Variants in AFF3 observed in about 807,000 individuals in gnomAD.
AFF3 encodes ALF transcription elongation factor 3.
A neutral mutation model predicts 129.7 loss-of-function variants in AFF3; 32 were observed. That is an observed-to-expected ratio of 0.25 (90% CI 0.19 to 0.33). The LOEUF is 0.33. Ranked by LOEUF, AFF3 falls within the 10% of genes least tolerant of loss-of-function variation. The pLI, the probability that AFF3 is intolerant of heterozygous loss-of-function variation, is 1.00. For synonymous variants in AFF3, 644 were observed against 635.4 expected (o/e 1.01, Z -0.20); for missense variants, 1,373 against 1,592.0 (o/e 0.86, Z 2.34).
At chr2:99,620,424 T>C (rs1222268763) in intron 13 of AFF3, among the ~76,000 whole-genome samples, 6 of 151,770 alleles carry the variant, frequency 4.0e-5, no homozygotes, top group Admixed American at 6.6e-5. Context: ...GGGCCAGGAG[T>C]TCGAGACCAG....
At chr2:99,927,753 T>A (rs1389823256) in intron 7 of AFF3, among the ~76,000 whole-genome samples, 2 of 152,176 alleles carry the variant, frequency 1.3e-5, no homozygotes, top group African/African-American at 4.8e-5. Context: ...AAAATTTTTT[T>A]AAATACTAAG....
At chr2:100,131,189 C>T (rs1692416272) in intron 1 of AFF3, among the ~76,000 whole-genome samples, 1 of 152,168 alleles carries the variant, frequency 6.6e-6, no homozygotes, top group South Asian at 2.1e-4. Flanking sequence ...CTGGTTTAGT[C>T]TCTCTATGGT....
chr2:99,805,724 A>C (rs1686289181), intron 8 of AFF3, among the ~76,000 whole-genome samples: 1 of 152,000 alleles, frequency 6.6e-6, no homozygotes, highest in Non-Finnish European at 1.5e-5. Context: ...CTATTGCTTC[A>C]CAATTATGTA....
At chr2:99,591,511 G>C (rs1342012835) in intron 15 of AFF3, among the ~76,000 whole-genome samples, 2 of 152,252 alleles carry the variant, frequency 1.3e-5, no homozygotes, top group East Asian at 3.9e-4. Context: ...GAATTTCTCT[G>C]GTCATAGGTG....
At chr2:99,621,800 C>T (rs1682042948) in intron 13 of AFF3, among the ~76,000 whole-genome samples, 1 of 152,024 alleles carries the variant, frequency 6.6e-6, no homozygotes, top group African/African-American at 2.4e-5. Context: ...AAACACTGAG[C>T]AGGATTTGCT....
chr2:100,122,283 A>C (rs377338432), intron 2 of AFF3, among the ~76,000 whole-genome samples: 2 of 152,212 alleles, frequency 1.3e-5, no homozygotes, highest in African/African-American at 4.8e-5. Context: ...GTCATTTAGC[A>C]CAATGGGATA....
At chr2:99,701,811 A>G (rs898277499) in intron 11 of AFF3, among the ~76,000 whole-genome samples, 2 of 152,336 alleles carry the variant, frequency 1.3e-5, no homozygotes, top group South Asian at 4.1e-4. Flanking sequence ...CCAGCCCTGT[A>G]TAGCCACCCC....
intron 7 of AFF3, among the ~76,000 whole-genome samples, chr2:99,848,009 C>A (rs936538614): frequency 6.6e-6 from 1 of 152,034 alleles, no homozygotes. Flanking sequence ...AGGCTGGGTG[C>A]GGTGGCTCAT....
intron 4 of AFF3, among the ~76,000 whole-genome samples, chr2:100,015,732 C>T (rs1682960566): frequency 6.6e-6 from 1 of 152,178 alleles, no homozygotes; most frequent in Non-Finnish European, 1.5e-5. Flanking sequence ...GAGCATGGGA[C>T]AGAGGCAACT....
intron 2 of AFF3, among the ~76,000 whole-genome samples, chr2:100,127,830 G>T (rs1379921676): frequency 6.6e-6 from 1 of 152,172 alleles, no homozygotes; most frequent in Admixed American, 6.5e-5. Context: ...ACTCCATCTT[G>T]AATAGGAGCT....
intron 11 of AFF3, among the ~76,000 whole-genome samples, chr2:99,721,400 G>A (rs919908684): frequency 2.0e-5 from 3 of 151,866 alleles, no homozygotes; most frequent in South Asian, 2.1e-4. Flanking sequence ...ATGGTGGCAC[G>A]CACCTGTAGT....
At chr2:99,600,586 G>A (rs141376456) in intron 14 of AFF3, among the ~76,000 whole-genome samples, 1,652 of 152,158 alleles carry the variant, frequency 0.011, 13 homozygotes, top group Admixed American at 0.041. Context: ...TGGTACAGAG[G>A]GCTGTAAGTA....
At chr2:99,628,723 A>ATTTTTTCT (rs1682838616) in intron 13 of AFF3, among the ~76,000 whole-genome samples, 1 of 92,432 alleles carries the variant, frequency 1.1e-5, no homozygotes, top group African/African-American at 4.7e-5. Flanking sequence ...TGCTTGACTG[A>ATTTTTTCT]TTTTTTTTTT....
chr2:99,649,526 T>G, intron 13 of AFF3, 100 bp downstream of exon 13: 1 of 1,307,536 alleles, frequency 7.6e-7, no homozygotes, highest in South Asian at 1.2e-5. Context: ...AGTTCAGAGA[T>G]ACTTTAGGGA....
At chr2:100,008,991 A>G (rs1313601294) in intron 4 of AFF3, 59 bp from the exon 5 acceptor site, 4 of 1,588,354 alleles carry the variant, frequency 2.5e-6, no homozygotes, top group Middle Eastern at 1.7e-4. Flanking sequence ...GTAAAGCCCA[A>G]TGTAACACTT....
rs540537526 is a variant in AFF3 at position 99,551,288 on chromosome 2, C to T, written c.*186G>A. 109 of 738,042 alleles carry T rather than the reference C, an allele frequency of 1.5e-4. No homozygotes were observed. In the South Asian group the frequency reaches 2.0e-3, roughly 14 times the overall value. 45.7% of individuals were successfully genotyped at this position (738,042 alleles called of 1,614,324 possible). A position where few individuals can be genotyped will look rare whatever the true frequency, so the allele number is the denominator to read the frequency against. Reference sequence around the variant, plus strand: ...GAGCTGTGTATCTTACACACATACACAGGCGGCTTCTTATATACCCACACA... The same window carrying T: ...GAGCTGTGTATCTTACACACATACATAGGCGGCTTCTTATATACCCACACA... On this transcript the variant is annotated 3_prime_UTR_variant, in exon 25 of 25. Coordinates refer to ENST00000672756, the MANE Select transcript of AFF3 (RefSeq NM_001386135.1).
chr2:99,581,618 A>C (rs1677557544), intron 17 of AFF3, among the ~76,000 whole-genome samples: 1 of 151,746 alleles, frequency 6.6e-6, no homozygotes, highest in Middle Eastern at 3.2e-3. Context: ...TCCCAGGTTC[A>C]AGCGATTCTC....
intron 7 of AFF3, among the ~76,000 whole-genome samples, chr2:99,979,635 C>A (rs887013511): frequency 6.6e-6 from 1 of 151,944 alleles, no homozygotes; most frequent in Non-Finnish European, 1.5e-5. Flanking sequence ...TGCACCACCA[C>A]GACCAGCTAA....
intron 7 of AFF3, among the ~76,000 whole-genome samples, chr2:99,930,568 C>A (rs889142726): frequency 6.6e-6 from 1 of 152,112 alleles, no homozygotes; most frequent in Admixed American, 6.6e-5. Flanking sequence ...TCCTTCTCTC[C>A]CTCTTTCTCT....
Sources: allele counts gnomAD v4.1 joint callset (sites outside exome capture counted in the v4.1 genomes callset), GRCh38; gene constraint gnomAD v4.1.1; transcripts MANE v1.5; gene names NCBI Gene and HGNC (gene_info 2026-07-23, HGNC 2026-07-21).